Variants in CNTNAP2 observed in about 807,000 individuals in gnomAD.
CNTNAP2 encodes contactin associated protein 2.
A neutral mutation model predicts 155.2 loss-of-function variants in CNTNAP2; 98 were observed. That is an observed-to-expected ratio of 0.63 (90% CI 0.54 to 0.75). The LOEUF is 0.75. CNTNAP2 is among the 30% of genes least tolerant of loss of function. The pLI, the probability that CNTNAP2 is intolerant of heterozygous loss-of-function variation, is 0.00. For missense variants in CNTNAP2, 1,727 were observed against 1,688.1 expected (o/e 1.02, Z -0.40); for synonymous variants, 651 against 631.2 (o/e 1.03, Z -0.47).
chr7:147,292,779 GT>G (rs1805342908), intron 8 of CNTNAP2, among the ~76,000 whole-genome samples: 1 of 143,830 alleles, frequency 7.0e-6, no homozygotes. Context: ...CTGTTTGTTT[GT>G]TTATTTGAGA....
intron 15 of CNTNAP2, among the ~76,000 whole-genome samples, chr7:148,007,937 C>A (rs1802008528): frequency 6.6e-6 from 1 of 152,184 alleles, no homozygotes; most frequent in Non-Finnish European, 1.5e-5. Flanking sequence ...TCCTAATCTT[C>A]AGAACCTGTG....
chr7:148,253,294 A>G (rs373246066), intron 20 of CNTNAP2, among the ~76,000 whole-genome samples: 1 of 152,176 alleles, frequency 6.6e-6, no homozygotes, highest in Admixed American at 6.5e-5. Context: ...AGTGACCTCA[A>G]CACCCTTAGA....
intron 14 of CNTNAP2, among the ~76,000 whole-genome samples, chr7:147,918,636 GT>G (rs1331714953): frequency 9.9e-5 from 15 of 152,104 alleles, no homozygotes; most frequent in Admixed American, 9.8e-4. Context: ...TTAATGCCCG[GT>G]ATTAAGGTGA....
intron 14 of CNTNAP2, among the ~76,000 whole-genome samples, chr7:147,910,977 A>G (rs568525028): frequency 6.6e-6 from 1 of 152,254 alleles, no homozygotes; most frequent in South Asian, 2.1e-4. Context: ...AAAATGAACT[A>G]TCTTAACCAT....
At chr7:147,575,143 G>GAC (rs1800365320) in intron 12 of CNTNAP2, among the ~76,000 whole-genome samples, 1 of 144,756 alleles carries the variant, frequency 6.9e-6, no homozygotes. Flanking sequence ...GTGTGTGTGT[G>GAC]TGTGTGTGTA....
intron 13 of CNTNAP2, among the ~76,000 whole-genome samples, chr7:147,899,565 T>C (rs1171201068): frequency 6.6e-6 from 1 of 152,188 alleles, no homozygotes; most frequent in Non-Finnish European, 1.5e-5. Flanking sequence ...TGCATTCTCA[T>C]ATGCTAAAGT....
intron 1 of CNTNAP2, among the ~76,000 whole-genome samples, chr7:146,388,866 G>A (rs1393868251): frequency 2.0e-5 from 3 of 152,026 alleles, no homozygotes; most frequent in African/African-American, 4.8e-5. Flanking sequence ...TGTGATGTTT[G>A]TCTTTCTGTG....
chr7:147,125,863 G>A (rs751344781), intron 6 of CNTNAP2, among the ~76,000 whole-genome samples: 4 of 152,178 alleles, frequency 2.6e-5, no homozygotes, highest in African/African-American at 4.8e-5. Flanking sequence ...TTTAATGGAT[G>A]CACGTTTATT....
chr7:147,118,668 T>A (rs1359561676), intron 5 of CNTNAP2, among the ~76,000 whole-genome samples: 1 of 152,142 alleles, frequency 6.6e-6, no homozygotes, highest in Non-Finnish European at 1.5e-5. Context: ...TTGCTCCTAG[T>A]GTAGAAATCT....
In CNTNAP2 at chr7:147,360,688, G is replaced by A. The variant is rs556650011; in HGVS notation, c.1499-34921G>A. Among the ~76,000 whole-genome samples the A allele has an allele frequency of 2.6e-5, 4 of 151,942 alleles. No individual in the cohort carries two copies. In the East Asian group the frequency reaches 7.8e-4, roughly 29 times the overall value. On this transcript the variant is annotated intron_variant, in intron 9 of 23. Transcript: ENST00000361727. ...GTAGATGTCACACTGTGTTCTTTCTGATGTCTCCATGACCCCTATGTGTTC... is the reference window on the plus strand; with the variant it reads ...GTAGATGTCACACTGTGTTCTTTCTAATGTCTCCATGACCCCTATGTGTTC...
chr7:148,242,620 T>C (rs1184478084), intron 20 of CNTNAP2, among the ~76,000 whole-genome samples: 1 of 152,238 alleles, frequency 6.6e-6, no homozygotes, highest in East Asian at 1.9e-4. Context: ...TAGGACTTGG[T>C]ATTACTTATA....
chr7:146,157,955 C>T (rs914200940), intron 1 of CNTNAP2, among the ~76,000 whole-genome samples: 4 of 152,178 alleles, frequency 2.6e-5, no homozygotes, highest in Admixed American at 6.5e-5. Context: ...GTCTCTGACC[C>T]CCGAGTAGCC....
Position 147,543,304 on chromosome 7 carries a change from C to T in CNTNAP2, c.1778-18834C>T, listed in dbSNP as rs539234220. 1.1e-4 allele frequency among the ~76,000 whole-genome samples: 16 copies of T among 152,262 alleles called. No individual in the cohort carries two copies. The South Asian group carries it at 1.7e-3, about 16-fold the overall frequency. On this transcript the variant is annotated intron_variant, in intron 11 of 23. Transcript: ENST00000361727. The stretch of plus-strand genomic sequence containing the variant: ...TTTGTGACTTAAGAATGCCTTTAAG[C>T]GGTTTTCTGCCCTGGGCGGGCTAAG...
chr7:147,398,307 C>A (rs190741437), intron 10 of CNTNAP2, among the ~76,000 whole-genome samples: 1 of 151,874 alleles, frequency 6.6e-6, no homozygotes, highest in Non-Finnish European at 1.5e-5. Context: ...ACTTTCTTTT[C>A]AGATTACCCA....
chr7:147,527,015 C>CTTTTCTTTTTTTTTT (rs1562981280), intron 11 of CNTNAP2, among the ~76,000 whole-genome samples: 1 of 65,182 alleles, frequency 1.5e-5, no homozygotes, highest in African/African-American at 7.8e-5. Flanking sequence ...ACAGGCATTT[C>CTTTTCTTTTTTTTTT]TTTTTTTTTT....
intron 1 of CNTNAP2, among the ~76,000 whole-genome samples, chr7:146,304,574 C>G (rs1453911163): frequency 6.6e-6 from 1 of 152,102 alleles, no homozygotes; most frequent in Non-Finnish European, 1.5e-5. Context: ...AAACTCTTTT[C>G]TTTAAGAATG....
intron 1 of CNTNAP2, among the ~76,000 whole-genome samples, chr7:146,265,461 T>TC (rs1799980846): frequency 6.6e-6 from 1 of 150,844 alleles, no homozygotes; most frequent in South Asian, 2.1e-4. Context: ...TTCTTTCTTT[T>TC]TTTTTTTTTT....
At chr7:146,448,967 C>T (rs1229084705) in intron 1 of CNTNAP2, among the ~76,000 whole-genome samples, 1 of 152,048 alleles carries the variant, frequency 6.6e-6, no homozygotes, top group African/African-American at 2.4e-5. Context: ...AATGCTAAAT[C>T]TGTTATTACA....
intron 2 of CNTNAP2, among the ~76,000 whole-genome samples, chr7:146,812,605 A>T (rs536404445): frequency 6.6e-6 from 1 of 152,256 alleles, no homozygotes; most frequent in South Asian, 2.1e-4. Context: ...AGAGCATAAA[A>T]GTTTGGAAAA....
Sources: gnomAD v4.1 joint callset for allele counts (sites outside exome capture counted in the v4.1 genomes callset) on GRCh38, gnomAD v4.1.1 for gene constraint, MANE v1.5 for transcripts, NCBI Gene and HGNC (gene_info 2026-07-23, HGNC 2026-07-21) for gene names.